CACNG3: variants seen among roughly 807,000 people sequenced by gnomAD.
The protein encoded by CACNG3 is calcium voltage-gated channel auxiliary subunit gamma 3, also known as voltage-dependent calcium channel gamma-3 subunit.
Under a neutral mutation model 28.5 loss-of-function variants are expected in CACNG3, and 3 were observed. That is an observed-to-expected ratio of 0.11 (90% CI 0.05 to 0.27). The LOEUF is 0.27. Among genes scored for constraint, CACNG3 ranks in the 10% least tolerant of loss-of-function variants. CACNG3 has a pLI of 1.00. For missense variants in CACNG3, 236 were observed against 414.4 expected (o/e 0.57, Z 3.74); for synonymous variants, 174 against 162.2 (o/e 1.07, Z -0.55).
At position 24,335,386 on chromosome 16, in the gene CACNG3, C is replaced by G. The variant is rs537137499; in HGVS notation, c.212-11348C>G. On this transcript the variant is annotated intron_variant, in intron 1 of 3. Transcript: ENST00000005284. ...AGTGAGCCAAGATCGCGCCACTGCA[C>G]TCCATTCTGGATAACAGAGCAAGAC... Among the ~76,000 whole-genome samples the G allele has an allele frequency of 1.3e-4, 20 of 152,314 alleles. No homozygotes were observed. The East Asian group carries it at 3.5e-3, about 26-fold the overall frequency.
At chr16:24,317,660 G>GAAAGAAAGAAAGAAAGAAAGGA (rs1899393598) in intron 1 of CACNG3, among the ~76,000 whole-genome samples, 2 of 78,344 alleles carry the variant, frequency 2.6e-5, no homozygotes, top group African/African-American at 1.2e-4. Context: ...AAGAAAGAAA[G>GAAAGAAAGAAAGAAAGAAAGGA]AAAGAAAGAA....
chr16:24,316,847 C>T (rs565746503), intron 1 of CACNG3, among the ~76,000 whole-genome samples: 1 of 152,356 alleles, frequency 6.6e-6, no homozygotes, highest in South Asian at 2.1e-4. Flanking sequence ...TCCAAACTAA[C>T]AGCATATTTC....
chr16:24,335,713 C>A (rs1447474831), intron 1 of CACNG3, among the ~76,000 whole-genome samples: 3 of 152,046 alleles, frequency 2.0e-5, no homozygotes, highest in African/African-American at 7.2e-5. Flanking sequence ...TGAGGAATAC[C>A]CAAAGAGCCC....
At chr16:24,299,378 A>G (rs754730808) in intron 1 of CACNG3, among the ~76,000 whole-genome samples, 8 of 152,076 alleles carry the variant, frequency 5.3e-5, no homozygotes, top group African/African-American at 1.9e-4. Context: ...GCCCCCATCA[A>G]TGAGTATTTT....
At chr16:24,330,240 C>G (rs556958920) in intron 1 of CACNG3, among the ~76,000 whole-genome samples, 1 of 152,266 alleles carries the variant, frequency 6.6e-6, no homozygotes, top group East Asian at 1.9e-4. Context: ...GCTCTGCACT[C>G]GCAGCTGCAG....
intron 1 of CACNG3, among the ~76,000 whole-genome samples, chr16:24,265,393 A>C (rs1898590599): frequency 6.7e-6 from 1 of 150,302 alleles, no homozygotes; most frequent in African/African-American, 2.5e-5. Context: ...AAAAGAAAGA[A>C]GAAAGAAAGA....
intron 3 of CACNG3, among the ~76,000 whole-genome samples, chr16:24,356,907 G>T (rs1451628553): frequency 4.6e-5 from 7 of 152,078 alleles, no homozygotes; most frequent in Non-Finnish European, 8.8e-5. Flanking sequence ...GCAAAGTCAT[G>T]TCTTAACATG....
chr16:24,341,546 T>G (rs1192613269), intron 1 of CACNG3, among the ~76,000 whole-genome samples: 1 of 152,210 alleles, frequency 6.6e-6, no homozygotes, highest in Admixed American at 6.5e-5. Context: ...GAACAGCAAC[T>G]GGCGTAATAA....
intron 1 of CACNG3, among the ~76,000 whole-genome samples, chr16:24,329,159 T>C (rs1489874548): frequency 1.3e-5 from 2 of 152,226 alleles, no homozygotes; most frequent in African/African-American, 4.8e-5. Flanking sequence ...GGTCTTTACC[T>C]TGCAGAACTA....
At chr16:24,356,300 C>T (rs1460959863) in intron 3 of CACNG3, among the ~76,000 whole-genome samples, 1 of 152,128 alleles carries the variant, frequency 6.6e-6, no homozygotes, top group African/African-American at 2.4e-5. Context: ...GGAAGAGTGG[C>T]TTGCAACCCC....
intron 2 of CACNG3, among the ~76,000 whole-genome samples, chr16:24,347,600 A>G (rs1455353168): frequency 1.3e-5 from 2 of 152,220 alleles, no homozygotes; most frequent in Non-Finnish European, 2.9e-5. Flanking sequence ...AAGACCTAGG[A>G]GAATAAATAC....
intron 1 of CACNG3, among the ~76,000 whole-genome samples, chr16:24,328,976 A>G (rs997255389): frequency 2.6e-5 from 4 of 152,082 alleles, no homozygotes; most frequent in Non-Finnish European, 5.9e-5. Flanking sequence ...CACCCCCATC[A>G]TATGGCAACT....
chr16:24,315,226 G>A (rs1185405634), intron 1 of CACNG3, among the ~76,000 whole-genome samples: 1 of 152,104 alleles, frequency 6.6e-6, no homozygotes, highest in African/African-American at 2.4e-5. Context: ...ACTGCCAACT[G>A]GTTTTGCACC....
intron 1 of CACNG3, among the ~76,000 whole-genome samples, chr16:24,329,236 G>T (rs1392781968): frequency 6.6e-6 from 1 of 152,204 alleles, no homozygotes; most frequent in African/African-American, 2.4e-5. Flanking sequence ...GTTAATGGTT[G>T]CCGTGGCAAC....
intron 1 of CACNG3, among the ~76,000 whole-genome samples, chr16:24,262,538 C>G (rs183233267): frequency 1.1e-3 from 163 of 152,370 alleles, no homozygotes; most frequent in African/African-American, 3.7e-3. Flanking sequence ...TGCACCTACC[C>G]TAGCCCTTAC....
At position 24,361,899 on chromosome 16, in the gene CACNG3, C is replaced by G; in HGVS notation, c.*36C>G. ...GACCTCTGCCCCACGCCCAGCACAG[C>G]CTTGGGGGAAGTGTACAGAGATGTC... is the stretch of plus-strand genomic sequence containing the variant. On this transcript the variant is annotated 3_prime_UTR_variant, in exon 4 of 4. Transcript: ENST00000005284. This position sits in a 1 kb window ranked among gnomAD's most constrained non-coding sequence, Gnocchi z 6.8. 1 of 1,563,320 alleles carries G rather than the reference C, an allele frequency of 6.4e-7. No individual in the cohort carries two copies. Among genetic ancestry groups the G allele is most frequent in the South Asian group, 1.2e-5 (1 of 84,068 alleles).
At chr16:24,338,083 T>C (rs547134152) in intron 1 of CACNG3, among the ~76,000 whole-genome samples, 1 of 152,128 alleles carries the variant, frequency 6.6e-6, no homozygotes, top group South Asian at 2.1e-4. Flanking sequence ...CAATAGGCCT[T>C]CTTTTTTCCT....
At chr16:24,345,931 G>A (rs1021553393) in intron 1 of CACNG3, among the ~76,000 whole-genome samples, 5 of 152,092 alleles carry the variant, frequency 3.3e-5, no homozygotes, top group Non-Finnish European at 5.9e-5. Context: ...GTTCTATTTA[G>A]GTTGGTGCAA....
chr16:24,280,765 G>A (rs183232627), intron 1 of CACNG3, among the ~76,000 whole-genome samples: 51 of 130,904 alleles, frequency 3.9e-4, no homozygotes, highest in Middle Eastern at 0.011. Flanking sequence ...GTAGTGAGCC[G>A]AGATCAAGAT....
Sources: gnomAD v4.1 joint callset for allele counts (sites outside exome capture counted in the v4.1 genomes callset) on GRCh38, gnomAD v4.1.1 for gene constraint, Gnocchi (gnomAD v3.1) non-coding constraint, MANE v1.5 for transcripts, NCBI Gene and HGNC (gene_info 2026-07-23, HGNC 2026-07-21) for gene names.